INO80D: variants seen among roughly 807,000 people sequenced by gnomAD.
INO80D encodes the protein INO80 complex subunit D.
Under a neutral mutation model 87.6 loss-of-function variants are expected in INO80D, and 21 were observed. The ratio of observed to expected loss-of-function variants is 0.24; its 90% CI spans 0.17 to 0.35. INO80D has a LOEUF of 0.35. Ranked by LOEUF, INO80D falls within the 10% of genes least tolerant of loss-of-function variation. The pLI is 1.00. For synonymous variants in INO80D, 440 were observed against 491.0 expected, an observed-to-expected ratio of 0.90 and a Z score of 1.37; for missense variants, 982 against 1,280.7, an observed-to-expected ratio of 0.77 and a Z score of 3.56.
At chr2:206,059,957 A>G (rs1300022121) in intron 3 of INO80D, among the ~76,000 whole-genome samples, 1 of 152,138 alleles carries the variant, frequency 6.6e-6, no homozygotes, top group African/African-American at 2.4e-5. Context: ...TAATCCCAAC[A>G]CTTTGGGAGG....
intron 6 of INO80D, among the ~76,000 whole-genome samples, chr2:206,023,438 C>T (rs535239776): frequency 6.6e-6 from 1 of 152,126 alleles, no homozygotes; most frequent in East Asian, 1.9e-4. Flanking sequence ...AATCCTACCA[C>T]TTTGGGAGGC....
intron 5 of INO80D, among the ~76,000 whole-genome samples, chr2:206,030,590 T>C (rs548472899): frequency 2.0e-5 from 3 of 151,992 alleles, no homozygotes; most frequent in South Asian, 4.2e-4. Context: ...GACACAGAGA[T>C]AGACAGGATG....
intron 4 of INO80D, 107 bp downstream of exon 4, chr2:206,056,091 G>T: frequency 9.0e-7 from 1 of 1,116,116 alleles, no homozygotes; most frequent in Non-Finnish European, 1.3e-6. Flanking sequence ...GCCTCATTGT[G>T]ATTCCACCCC....
chr2:206,004,326 A>T lies in INO80D; in HGVS notation c.*42T>A. ...GTGCTAAAGAGGAAACAAAGATAGA[A>T]AACACTGGGTTCCCCACCTGCCTGC... is the stretch of plus-strand genomic sequence containing the variant. On this transcript the variant is annotated 3_prime_UTR_variant, in exon 11 of 11. Transcript: ENST00000403263. This position sits in a 1 kb window ranked among gnomAD's most constrained non-coding sequence, Gnocchi z 4.9. The T allele has an allele frequency of 6.6e-7, 1 of 1,517,786 alleles. No homozygotes were observed. Among genetic ancestry groups the T allele is most frequent in the Non-Finnish European group, 9.0e-7 (1 of 1,116,788 alleles). 94.0% of individuals were successfully genotyped at this position (1,517,786 alleles called of 1,614,324 possible).
intron 5 of INO80D, among the ~76,000 whole-genome samples, chr2:206,042,429 C>A (rs1228809988): frequency 6.6e-6 from 1 of 152,142 alleles, no homozygotes; most frequent in African/African-American, 2.4e-5. Context: ...CGCCTGTAAT[C>A]CTAGCACTTT....
In INO80D at chr2:205,993,871, A is replaced by G. The variant is rs1241965820; in HGVS notation, c.*10497T>C. The G allele has an allele frequency of 6.6e-6, 1 of 152,252 alleles. No homozygotes were observed. The highest frequency in any genetic ancestry group is 1.9e-4 in the East Asian group (1 of 5,206). The allele number at this position is 152,252 out of a possible 1,614,324, so 9.4% of individuals were successfully genotyped here. ...TATACATAAAAATGTAAACTTTTGT[A>G]TACAAAAACCCTTAAACAAATTAAA... On this transcript the variant is annotated 3_prime_UTR_variant, in exon 11 of 11. Transcript: ENST00000403263.
At position 206,056,764 on chromosome 2, in the gene INO80D, G is replaced by C. The variant is rs570639790; in HGVS notation, c.398C>G (p.Pro133Arg). 6.2e-7 allele frequency: 1 copy of C among 1,612,808 alleles called. No homozygotes were observed. The highest frequency in any genetic ancestry group is 8.5e-7 in the Non-Finnish European group (1 of 1,179,354). ...PNGLDGMSLS[P>R]PGARVPLHYL... ...GTGGAGAGGGACCCTTGCCCCAGGTGGAGAGAGGGACATTCCATCCAGTCC... is the reference window on the plus strand; with the variant it reads ...GTGGAGAGGGACCCTTGCCCCAGGTCGAGAGAGGGACATTCCATCCAGTCC... The change falls in exon 4 of 11, where the codon CCA (proline) becomes CGA (arginine). Residue 133 changes from proline (P) to arginine (R), a missense_variant. Pro to Arg is a moderately radical substitution (Grantham distance 103). Transcript: ENST00000403263.
intron 1 of INO80D, among the ~76,000 whole-genome samples, chr2:206,078,299 C>T (rs1265441462): frequency 6.6e-6 from 1 of 152,104 alleles, no homozygotes; most frequent in Admixed American, 6.6e-5. Context: ...CGCCTGTAGT[C>T]CCAGCTACTC....
chr2:206,028,375 A>G (rs1363993231), intron 5 of INO80D, 40 bp from the exon 6 acceptor site: 5 of 1,468,140 alleles, frequency 3.4e-6, no homozygotes, highest in Non-Finnish European at 4.7e-6. Context: ...CTGATTACAC[A>G]TTAGGCTCAT....
chr2:206,030,205 G>A (rs1269196652), intron 5 of INO80D, among the ~76,000 whole-genome samples: 1 of 152,188 alleles, frequency 6.6e-6, no homozygotes, highest in Non-Finnish European at 1.5e-5. Context: ...GGGTACGATG[G>A]CTCACATCTG....
chr2:206,004,348 C>T lies in INO80D; in HGVS notation c.*20G>A. ...AGAAAACACTGGGTTCCCCACCTGC[C>T]TGCAAACACACAGACACCCTCAGTT... On this transcript the variant is annotated 3_prime_UTR_variant, in exon 11 of 11. Coordinates refer to ENST00000403263, the MANE Select transcript of INO80D (RefSeq NM_017759.5). This position sits in a 1 kb window ranked among gnomAD's most constrained non-coding sequence, Gnocchi z 4.9. 6 of 1,568,292 alleles carry T rather than the reference C, an allele frequency of 3.8e-6. No homozygotes were observed. Among genetic ancestry groups the T allele is most frequent in the South Asian group, 1.2e-5 (1 of 85,474 alleles).
intron 1 of INO80D, among the ~76,000 whole-genome samples, chr2:206,072,086 T>G (rs1438732516): frequency 7.9e-5 from 12 of 152,026 alleles, no homozygotes; most frequent in Non-Finnish European, 8.8e-5. Context: ...ATATCCAACT[T>G]TGCCATCCAT....
At position 206,064,367 on chromosome 2, in the gene INO80D, C is replaced by T. The variant is rs1470637807; in HGVS notation, c.-123-1123G>A. Among the ~76,000 whole-genome samples, 3 of 152,136 alleles carry T rather than the reference C, an allele frequency of 2.0e-5. No homozygotes were observed. In the East Asian group the frequency reaches 5.8e-4, roughly 29 times the overall value. On this transcript the variant is annotated intron_variant, in intron 1 of 10. Coordinates refer to ENST00000403263, the MANE Select transcript of INO80D (RefSeq NM_017759.5). ...ATCTTAGTGAGCTGATGGAGTCTCACCCATCCTCTTCCACACTTCCAGCCA... is the reference window on the plus strand; with the variant it reads ...ATCTTAGTGAGCTGATGGAGTCTCATCCATCCTCTTCCACACTTCCAGCCA...
In INO80D at chr2:206,028,332, T is replaced by G. The variant is rs765952863; in HGVS notation, c.1077A>C (p.Ser359=). 3.8e-6 allele frequency: 6 copies of G among 1,586,644 alleles called. No homozygotes were observed. The highest frequency in any genetic ancestry group is 5.2e-6 in the Non-Finnish European group (6 of 1,159,644). The change falls in exon 6 of 11, where the codon TCA becomes TCC. Residue 359 remains serine (S), a synonymous_variant. Coordinates refer to ENST00000403263, the MANE Select transcript of INO80D (RefSeq NM_017759.5). ...RETLRYQRHA[S]DDDDAESRSS... ...TCCTACTCTCCGCATCATCATCATC[T>G]GACCTGGAAAGTGCAGGGAGAGAAA...
At chr2:206,021,173 C>G (rs755232697) in intron 6 of INO80D, among the ~76,000 whole-genome samples, 1 of 152,110 alleles carries the variant, frequency 6.6e-6, no homozygotes, top group African/African-American at 2.4e-5. Flanking sequence ...ATATCACAAA[C>G]AAAAAATCTT....
rs371304627 is a variant in INO80D at position 206,032,497 on chromosome 2, CT to C, written c.1074-4163del. 7.0e-4 allele frequency among the ~76,000 whole-genome samples: 106 copies of C among 152,292 alleles called. 1 individual carries two copies. The East Asian group carries it at 0.018, about 26-fold the overall frequency. On this transcript the variant is annotated intron_variant, in intron 5 of 10. Coordinates refer to ENST00000403263, the MANE Select transcript of INO80D (RefSeq NM_017759.5). ...TACACAACTCCATTGATCTGGGAGC[CT>C]TTGCCTAGACACATTGTCATTAGGT...
chr2:206,077,044 C>A (rs575740493), intron 1 of INO80D, among the ~76,000 whole-genome samples: 1 of 152,028 alleles, frequency 6.6e-6, no homozygotes, highest in Non-Finnish European at 1.5e-5. Context: ...GAGGCCAAGG[C>A]GGGTGGATCA....
Position 206,005,482 on chromosome 2 carries a change from C to T in INO80D, c.1970G>A (p.Arg657Gln), listed in dbSNP as rs769396376. ...PTTEEAEELE[R>Q]ALQAVTSLEC... ...GAGAGAAGTTACAGCCTGCAAGGCC[C>T]GTTCAAGCTCCTCAGCCTCTTCGGT... The change falls in exon 11 of 11, where the codon CGG (arginine) becomes CAG (glutamine). Residue 657 changes from arginine (R) to glutamine (Q), a missense_variant. Coordinates refer to ENST00000403263, the MANE Select transcript of INO80D (RefSeq NM_017759.5). The T allele has an allele frequency of 5.0e-6, 8 of 1,613,716 alleles. No individual in the cohort carries two copies. Among genetic ancestry groups the T allele is most frequent in the East Asian group, 2.2e-5 (1 of 44,892 alleles).
intron 4 of INO80D, among the ~76,000 whole-genome samples, chr2:206,055,484 A>T (rs1241615783): frequency 2.0e-5 from 3 of 152,250 alleles, no homozygotes; most frequent in Non-Finnish European, 4.4e-5. Context: ...TAAAACTGTC[A>T]GCAGATATCA....
Sources: gnomAD v4.1 joint callset for allele counts (sites outside exome capture counted in the v4.1 genomes callset) on GRCh38, gnomAD v4.1.1 for gene constraint, Gnocchi (gnomAD v3.1) non-coding constraint, MANE v1.5 for transcripts, NCBI Gene and HGNC (gene_info 2026-07-23, HGNC 2026-07-21) for gene names.